The following CRISPLD2 variants were observed in gnomAD, a reference collection of about 807,000 sequenced individuals.
The protein encoded by CRISPLD2 is cysteine-rich secretory protein LCCL domain-containing 2.
In CRISPLD2, 47 loss-of-function variants were observed where a neutral mutation model predicts 71.1. The observed-to-expected ratio is 0.66, with a 90% CI of 0.52 to 0.84. The LOEUF is 0.84. CRISPLD2 is among the 40% of genes least tolerant of loss of function. CRISPLD2 has a pLI of 0.00. For missense variants in CRISPLD2, 830 were observed against 651.1 expected, an observed-to-expected ratio of 1.27 and a Z score of -2.99; for synonymous variants, 317 against 250.1, an observed-to-expected ratio of 1.27 and a Z score of -2.52.
intron 4 of CRISPLD2, 116 bp from the exon 5 acceptor site, chr16:84,850,452 C>T: frequency 1.3e-6 from 1 of 789,198 alleles, no homozygotes; most frequent in Non-Finnish European, 2.2e-6. Context: ...TATCTGCTTC[C>T]CCAACCCTTC....
intron 1 of CRISPLD2, among the ~76,000 whole-genome samples, chr16:84,821,851 G>A (rs1356045639): frequency 1.3e-5 from 2 of 152,238 alleles, no homozygotes; most frequent in Admixed American, 1.3e-4. Context: ...TTCCACGGAT[G>A]AGCTCACTGC....
At chr16:84,830,204 C>A (rs1033288707) in intron 1 of CRISPLD2, among the ~76,000 whole-genome samples, 6 of 152,126 alleles carry the variant, frequency 3.9e-5, no homozygotes, top group Non-Finnish European at 8.8e-5. Flanking sequence ...CACCTGTAGT[C>A]CCAGCAACTT....
intron 13 of CRISPLD2, among the ~76,000 whole-genome samples, chr16:84,887,845 C>A (rs1275036787): frequency 2.0e-5 from 3 of 152,116 alleles, no homozygotes; most frequent in African/African-American, 7.2e-5. Flanking sequence ...CATTGCACTC[C>A]AGCCTGAGCA....
At position 84,872,998 on chromosome 16, in the gene CRISPLD2, A is replaced by G; in HGVS notation, c.988A>G (p.Ser330Gly). The G allele has an allele frequency of 6.2e-7, 1 of 1,612,324 alleles. No homozygotes were observed. The highest frequency in any genetic ancestry group is 1.7e-5 in the Admixed American group (1 of 59,704). The change falls in exon 10 of 15, where the codon AGC becomes GGC. Residue 330 changes from serine (S) to glycine (G), a missense_variant. Transcript: ENST00000262424. ...TCTCTTCCCTTCCCGCCAGTCGTCT[A>G]GCATATGCCGCGCCGCCATCCACTA... ...FGTLFYESSS[S>G]ICRAAIHYGI...
At chr16:84,877,305 C>A (rs1474868727) in intron 11 of CRISPLD2, 133 bp from the exon 12 acceptor site, 8 of 710,682 alleles carry the variant, frequency 1.1e-5, no homozygotes, top group Non-Finnish European at 1.9e-5. Context: ...CCTGCTGGGT[C>A]GTAGTCCCAG....
chr16:84,854,610 C>T (rs1917182225), intron 5 of CRISPLD2, 119 bp from the exon 6 acceptor site: 14 of 738,376 alleles, frequency 1.9e-5, no homozygotes, highest in Non-Finnish European at 3.2e-5. Context: ...AGCACACAAC[C>T]TTCCCCCCTG....
intron 13 of CRISPLD2, among the ~76,000 whole-genome samples, chr16:84,888,578 G>C (rs899674927): frequency 5.3e-5 from 8 of 152,206 alleles, no homozygotes; most frequent in Non-Finnish European, 1.0e-4. Flanking sequence ...ACGCCACCCT[G>C]TGTCCAGTCT....
At chr16:84,851,487 A>T (rs1409990012) in intron 5 of CRISPLD2, among the ~76,000 whole-genome samples, 1 of 152,240 alleles carries the variant, frequency 6.6e-6, no homozygotes, top group Non-Finnish European at 1.5e-5. Flanking sequence ...TGACTGAATG[A>T]AATGGGAATG....
At chr16:84,857,207 A>C (rs1015254914) in intron 6 of CRISPLD2, among the ~76,000 whole-genome samples, 2 of 151,976 alleles carry the variant, frequency 1.3e-5, no homozygotes, top group African/African-American at 4.8e-5. Flanking sequence ...CATAACCTCC[A>C]CTCCTGCCAA....
At chr16:84,847,242 A>C (rs548115836) in intron 3 of CRISPLD2, among the ~76,000 whole-genome samples, 2 of 152,288 alleles carry the variant, frequency 1.3e-5, no homozygotes, top group East Asian at 3.9e-4. Context: ...CTTCCTCTGC[A>C]TCCGTGGGTT....
rs1199813053 is a variant in CRISPLD2, at chr16:84,908,583, A to G, written c.*1941A>G. Reference sequence around the variant, plus strand: ...GAAACTTCCAGTGTGAGTTGACCCCATCATTTAAAAATAAAGTCCCCGGGT... The same window carrying G: ...GAAACTTCCAGTGTGAGTTGACCCCGTCATTTAAAAATAAAGTCCCCGGGT... On this transcript the variant is annotated 3_prime_UTR_variant, in exon 15 of 15. Transcript: ENST00000262424. The G allele has an allele frequency of 6.6e-6, 1 of 152,048 alleles. No individual in the cohort carries two copies. The highest frequency in any genetic ancestry group is 1.5e-5 in the Non-Finnish European group (1 of 68,048). The allele number at this position is 152,048 out of a possible 1,614,324, so 9.4% of individuals were successfully genotyped here.
intron 5 of CRISPLD2, among the ~76,000 whole-genome samples, chr16:84,854,109 G>T (rs1917165634): frequency 6.6e-6 from 1 of 152,170 alleles, no homozygotes; most frequent in Admixed American, 6.5e-5. Flanking sequence ...CTAAGGCTCT[G>T]AGCCGGACAG....
intron 2 of CRISPLD2, among the ~76,000 whole-genome samples, chr16:84,843,262 C>G (rs1290965935): frequency 6.6e-6 from 1 of 152,220 alleles, no homozygotes; most frequent in African/African-American, 2.4e-5. Context: ...GCCCGGCACC[C>G]TCAGCACTGC....
chr16:84,880,723 C>G, intron 13 of CRISPLD2, 139 bp downstream of exon 13: 1 of 543,170 alleles, frequency 1.8e-6, no homozygotes. Context: ...TAATTAATTT[C>G]GAGATGGAGT....
intron 13 of CRISPLD2, among the ~76,000 whole-genome samples, chr16:84,884,696 G>A (rs1181507144): frequency 6.6e-6 from 1 of 152,190 alleles, no homozygotes; most frequent in South Asian, 2.1e-4. Flanking sequence ...GGGCGGTACC[G>A]GGCCTGTGGA....
Position 84,889,212 on chromosome 16 carries a change from C to T in CRISPLD2, c.1306-18C>T, listed in dbSNP as rs2071639496. 2 of 1,613,804 alleles carry T rather than the reference C, an allele frequency of 1.2e-6. No homozygotes were observed. Among genetic ancestry groups the T allele is most frequent in the South Asian group, 1.1e-5 (1 of 91,082 alleles). Reference sequence around the variant, plus strand: ...CTGGAATCCGCATCGCTGATCACAGCCCTTCCTGTGCTTCCAGACCTCAAG... The same window carrying T: ...CTGGAATCCGCATCGCTGATCACAGTCCTTCCTGTGCTTCCAGACCTCAAG... On this transcript the variant is annotated intron_variant, in intron 13 of 14. Coordinates refer to ENST00000262424, the MANE Select transcript of CRISPLD2 (RefSeq NM_031476.4).
chr16:84,868,989 C>T (rs745562352), intron 8 of CRISPLD2, 78 bp downstream of exon 8: 12 of 1,292,710 alleles, frequency 9.3e-6, no homozygotes, highest in African/African-American at 1.5e-5. Flanking sequence ...GGCCTCTGGG[C>T]CTATGCTGGG....
chr16:84,886,101 G>C (rs2071610722), intron 13 of CRISPLD2, among the ~76,000 whole-genome samples: 2 of 152,188 alleles, frequency 1.3e-5, no homozygotes, highest in Non-Finnish European at 2.9e-5. Context: ...TGTTGGTCAG[G>C]CTGATCTCAA....
chr16:84,879,660 CCTT>C (rs901448208), intron 12 of CRISPLD2, among the ~76,000 whole-genome samples: 12 of 152,072 alleles, frequency 7.9e-5, no homozygotes, highest in Admixed American at 5.2e-4. Context: ...CTGCACCTGG[CCTT>C]CTTTTTTTTT....
Sources: allele counts gnomAD v4.1 joint callset (sites outside exome capture counted in the v4.1 genomes callset), GRCh38; gene constraint gnomAD v4.1.1; transcripts MANE v1.5; gene names NCBI Gene and HGNC (gene_info 2026-07-23, HGNC 2026-07-21).